POC5: variants seen among roughly 807,000 people sequenced by gnomAD.
POC5 encodes the protein centrosomal protein POC5.
Under a neutral mutation model 62.9 loss-of-function variants are expected in POC5, and 48 were observed. The observed-to-expected ratio is 0.76, with a 90% CI of 0.61 to 0.97. The LOEUF (loss-of-function observed/expected upper bound fraction) is 0.97. Ranked by LOEUF, POC5 falls within the 50% of genes least tolerant of loss-of-function variation. The pLI, the probability that POC5 is intolerant of heterozygous loss-of-function variation, is 0.00. For synonymous variants in POC5, 236 were observed against 228.2 expected (o/e 1.03, Z -0.31); for missense variants, 696 against 679.5 (o/e 1.02, Z -0.27).
At chr5:75,711,717 T>C (rs1470092920) in intron 2 of POC5, among the ~76,000 whole-genome samples, 4 of 152,218 alleles carry the variant, frequency 2.6e-5, no homozygotes, top group Non-Finnish European at 5.9e-5. Flanking sequence ...TTGACAGTAA[T>C]AGACTCTCAG....
intron 4 of POC5, 133 bp downstream of exon 4, chr5:75,705,571 A>T: frequency 1.8e-6 from 1 of 563,736 alleles, no homozygotes; most frequent in South Asian, 2.9e-5. Flanking sequence ...TATCACTTAA[A>T]TTAGCAATAA....
intron 11 of POC5, among the ~76,000 whole-genome samples, chr5:75,676,482 C>T (rs1775657562): frequency 6.6e-6 from 1 of 152,114 alleles, no homozygotes; most frequent in South Asian, 2.1e-4. Context: ...TCCCACTTCA[C>T]CTGAAGTTCA....
At position 75,702,782 on chromosome 5, in the gene POC5, C is replaced by T. The variant is rs1394780806; in HGVS notation, c.336G>A (p.Lys112=). Reference sequence around the variant, plus strand: ...AAAAATCCATGACTGGGTGAGAAGGCTTCCTTGGCGATAACACTGGTGATG... The same window carrying T: ...AAAAATCCATGACTGGGTGAGAAGGTTTCCTTGGCGATAACACTGGTGATG... ...DESSPVLSPR[K]PSHPVMDFFS... is the part of the protein sequence containing the mutation. The change falls in exon 5 of 12, where the codon AAG becomes AAA. Residue 112 remains lysine, a synonymous_variant. Coordinates refer to ENST00000428202, the MANE Select transcript of POC5 (RefSeq NM_001099271.2). The T allele has an allele frequency of 1.3e-6, 2 of 1,585,728 alleles. No homozygotes were observed. The highest frequency in any genetic ancestry group is 2.3e-5 in the East Asian group (1 of 43,976).
At chr5:75,712,106 C>T (rs1007202977) in intron 2 of POC5, 7 of 169,056 alleles carry the variant, frequency 4.1e-5, no homozygotes, top group South Asian at 2.0e-4. Context: ...TCCATAATTT[C>T]GATTAAAGGA....
intron 9 of POC5, among the ~76,000 whole-genome samples, chr5:75,688,351 C>T (rs1372203350): frequency 6.6e-6 from 1 of 152,166 alleles, no homozygotes; most frequent in Non-Finnish European, 1.5e-5. Flanking sequence ...TTTATATTAT[C>T]TCCTTCGCTC....
chr5:75,705,830 T>C lies in POC5; in HGVS notation c.224-43A>G, dbSNP rs1415103725. ...TTTTAAAATTAAACTGAACCACTCTTAAATAAAATGTCTAATCACACATAA... is the reference window on the plus strand; with the variant it reads ...TTTTAAAATTAAACTGAACCACTCTCAAATAAAATGTCTAATCACACATAA... On this transcript the variant is annotated intron_variant, in intron 3 of 11. Coordinates refer to ENST00000428202, the MANE Select transcript of POC5 (RefSeq NM_001099271.2). 4.1e-6 allele frequency: 5 copies of C among 1,214,962 alleles called. No individual in the cohort carries two copies. In the Admixed American group the frequency reaches 1.0e-4, roughly 25 times the overall value. The allele number at this position is 1,214,962 out of a possible 1,614,324, so 75.3% of individuals were successfully genotyped here.
chr5:75,702,535 A>G, intron 5 of POC5, 70 bp downstream of exon 5: 1 of 1,403,760 alleles, frequency 7.1e-7, no homozygotes, highest in Non-Finnish European at 9.6e-7. Context: ...AAAACAAAAC[A>G]GTATAAATGA....
intron 7 of POC5, 38 bp from the exon 8 acceptor site, chr5:75,690,600 G>A: frequency 6.9e-7 from 1 of 1,442,402 alleles, no homozygotes. Context: ...AAACACAGTT[G>A]ATTGATAAAT....
intron 5 of POC5, among the ~76,000 whole-genome samples, chr5:75,695,561 A>G (rs981412977): frequency 6.6e-6 from 1 of 152,192 alleles, no homozygotes; most frequent in Non-Finnish European, 1.5e-5. Flanking sequence ...CAGAACTCAC[A>G]TGGGCCATAA....
chr5:75,708,803 G>C (rs145845707), intron 2 of POC5, among the ~76,000 whole-genome samples: 1 of 151,980 alleles, frequency 6.6e-6, no homozygotes, highest in Admixed American at 6.6e-5. Context: ...CCTGGTTTGC[G>C]CTTCAACCTT....
chr5:75,694,859 G>C (rs1561471218), intron 5 of POC5, 28 bp from the exon 6 acceptor site: 2 of 1,433,928 alleles, frequency 1.4e-6, no homozygotes, highest in African/African-American at 2.9e-5. Flanking sequence ...TGACAATTAA[G>C]TAGTTTGTTC....
chr5:75,706,089 A>G (rs1342999471), intron 3 of POC5, among the ~76,000 whole-genome samples: 2 of 152,248 alleles, frequency 1.3e-5, no homozygotes, highest in African/African-American at 2.4e-5. Context: ...ATTAGAACTT[A>G]GAAAAGGATC....
rs1269182858 is a variant in POC5, at chr5:75,685,266, G to A, written c.1348C>T (p.His450Tyr). 1 of 1,614,032 alleles carries A rather than the reference G, an allele frequency of 6.2e-7. No homozygotes were observed. Among genetic ancestry groups the A allele is most frequent in the Non-Finnish European group, 8.5e-7 (1 of 1,179,896 alleles). Residue 450 changes from histidine (H) to tyrosine (Y), a missense_variant, in exon 10 of 12, where the codon CAC becomes TAC. Coordinates refer to ENST00000428202, the MANE Select transcript of POC5 (RefSeq NM_001099271.2). The part of the protein sequence containing the change: ...STRAASASSV[H>Y]VPVSALGAGS... ...GCACCAAGAGCAGAAACAGGAACGTGAACAGAAGATGCGGAAGCAGCCCTG... is the reference window on the plus strand; with the variant it reads ...GCACCAAGAGCAGAAACAGGAACGTAAACAGAAGATGCGGAAGCAGCCCTG...
At position 75,694,316 on chromosome 5, in the gene POC5, T is replaced by C. The variant is rs1183942109; in HGVS notation, c.690+339A>G. Among the ~76,000 whole-genome samples the C allele has an allele frequency of 2.0e-5, 3 of 152,200 alleles. No individual in the cohort carries two copies. In the East Asian group the frequency reaches 5.8e-4, roughly 29 times the overall value. On this transcript the variant is annotated intron_variant, in intron 6 of 11. Coordinates refer to ENST00000428202, the MANE Select transcript of POC5 (RefSeq NM_001099271.2). ...AAAGGATTAGAAAGAAAAAAACTAG[T>C]GTACTTACATTTAGCACATACTCTT... is the stretch of plus-strand genomic sequence containing the variant.
At chr5:75,682,069 T>G (rs1775887689) in intron 10 of POC5, among the ~76,000 whole-genome samples, 1 of 152,222 alleles carries the variant, frequency 6.6e-6, no homozygotes, top group South Asian at 2.1e-4. Flanking sequence ...GGCCACTTAC[T>G]TATGTGACTG....
chr5:75,697,082 G>C (rs1371683690), intron 5 of POC5, among the ~76,000 whole-genome samples: 2 of 152,220 alleles, frequency 1.3e-5, no homozygotes, highest in African/African-American at 2.4e-5. Context: ...CGTCTCATTG[G>C]TGTACCTGAA....
intron 4 of POC5, among the ~76,000 whole-genome samples, chr5:75,704,866 G>A (rs893031122): frequency 6.6e-6 from 1 of 152,118 alleles, no homozygotes; most frequent in African/African-American, 2.4e-5. Context: ...ATTCTGACTA[G>A]TCAAGAAAAA....
intron 10 of POC5, among the ~76,000 whole-genome samples, chr5:75,680,293 C>A (rs1775819460): frequency 6.6e-6 from 1 of 152,096 alleles, no homozygotes; most frequent in Non-Finnish European, 1.5e-5. Flanking sequence ...ATGATTCTCA[C>A]CTGGAGCTTC....
intron 5 of POC5, among the ~76,000 whole-genome samples, chr5:75,701,271 G>A (rs1044911276): frequency 8.8e-5 from 12 of 136,624 alleles, no homozygotes; most frequent in African/African-American, 2.3e-4. Flanking sequence ...ACATGCACAC[G>A]TATGTTTATT....
Sources: gnomAD v4.1 joint callset for allele counts (sites outside exome capture counted in the v4.1 genomes callset) on GRCh38, gnomAD v4.1.1 for gene constraint, MANE v1.5 for transcripts, NCBI Gene and HGNC (gene_info 2026-07-23, HGNC 2026-07-21) for gene names.